The following PLCE1 variants were observed in gnomAD, a reference collection of about 807,000 sequenced individuals.
PLCE1 encodes phospholipase C epsilon 1.
In PLCE1, 119 loss-of-function variants were observed where a neutral mutation model predicts 242.8. The observed-to-expected ratio is 0.49, with a 90% CI of 0.42 to 0.57. The LOEUF (loss-of-function observed/expected upper bound fraction) is 0.57. PLCE1 is among the 20% of genes least tolerant of loss of function. The pLI is 0.00. For missense variants in PLCE1, 2,441 were observed against 2,788.8 expected, an observed-to-expected ratio of 0.88 and a Z score of 2.81; for synonymous variants, 945 against 1,017.4, an observed-to-expected ratio of 0.93 and a Z score of 1.35.
intron 2 of PLCE1, chr10:94,089,452 C>A: frequency 8.3e-7 from 1 of 1,198,600 alleles, no homozygotes; most frequent in Non-Finnish European, 1.2e-6. Flanking sequence ...TCTTTACTAG[C>A]ACCATTGTGC....
chr10:94,308,762 T>C (rs866268387), intron 27 of PLCE1, 63 bp downstream of exon 27: 4 of 1,087,282 alleles, frequency 3.7e-6, no homozygotes, highest in Non-Finnish European at 5.7e-6. Context: ...GTGGGCTTTT[T>C]TGTGGCCCAG....
chr10:94,197,833 A>G (rs1448258693), intron 4 of PLCE1, among the ~76,000 whole-genome samples: 2 of 151,920 alleles, frequency 1.3e-5, no homozygotes, highest in Non-Finnish European at 2.9e-5. Flanking sequence ...AAATACAAAA[A>G]TTAGCTGGGC....
At chr10:94,088,694 G>T (rs898728252) in intron 2 of PLCE1, among the ~76,000 whole-genome samples, 36 of 152,190 alleles carry the variant, frequency 2.4e-4, no homozygotes, top group African/African-American at 8.4e-4. Flanking sequence ...TACCTGGATG[G>T]CTGCCTTCTA....
At chr10:94,279,608 C>A in intron 19 of PLCE1, 174 bp from the exon 20 acceptor site, 1 of 670,102 alleles carries the variant, frequency 1.5e-6, no homozygotes. Flanking sequence ...AACGTTCACC[C>A]AAGTGTTGAC....
At chr10:94,113,961 A>T (rs2046036623) in intron 2 of PLCE1, among the ~76,000 whole-genome samples, 1 of 152,208 alleles carries the variant, frequency 6.6e-6, no homozygotes, top group African/African-American at 2.4e-5. Context: ...GGCCAAGTTC[A>T]GTTTTCTAAA....
rs527563455 is a variant in PLCE1, at chr10:94,033,172, TA to T, written c.1206+921del. On this transcript the variant is annotated intron_variant, in intron 2 of 32. Coordinates refer to ENST00000371380, the MANE Select transcript of PLCE1 (RefSeq NM_016341.4). ...TCTTGAACTTTGGTGTTCGAGGGGGTAGGGGGCAGTTCTGGAACCAGTTCCT... is the reference window on the plus strand; with the variant it reads ...TCTTGAACTTTGGTGTTCGAGGGGGTGGGGGCAGTTCTGGAACCAGTTCCT... Among the ~76,000 whole-genome samples, 21 of 151,954 alleles carry T rather than the reference TA, an allele frequency of 1.4e-4. No individual in the cohort carries two copies. The East Asian group carries it at 3.9e-3, about 28-fold the overall frequency.
At chr10:94,269,481 A>G (rs2051646305) in intron 17 of PLCE1, among the ~76,000 whole-genome samples, 1 of 152,038 alleles carries the variant, frequency 6.6e-6, no homozygotes, top group African/African-American at 2.4e-5. Context: ...CTAAATGAAG[A>G]CTTCCCAAAA....
intron 2 of PLCE1, among the ~76,000 whole-genome samples, chr10:94,086,877 T>C (rs1054021165): frequency 2.6e-5 from 4 of 152,198 alleles, no homozygotes; most frequent in Non-Finnish European, 5.9e-5. Flanking sequence ...GGAATAGAGA[T>C]AATAATACTT....
intron 2 of PLCE1, among the ~76,000 whole-genome samples, chr10:94,053,504 C>A (rs2043819699): frequency 6.6e-6 from 1 of 152,216 alleles, no homozygotes; most frequent in Non-Finnish European, 1.5e-5. Context: ...TAGTCGGTTG[C>A]CCCTCCTAGA....
chr10:94,011,912 A>C (rs1279290097), intron 1 of PLCE1, among the ~76,000 whole-genome samples: 1 of 152,038 alleles, frequency 6.6e-6, no homozygotes, highest in African/African-American at 2.4e-5. Flanking sequence ...CCAGGTGACC[A>C]AATTTGGGGC....
chr10:94,284,322 A>G (rs769056936), intron 21 of PLCE1, among the ~76,000 whole-genome samples: 15 of 152,234 alleles, frequency 9.9e-5, no homozygotes, highest in Admixed American at 5.2e-4. Context: ...TCGGGCCAAG[A>G]GGGCAGCCTG....
intron 25 of PLCE1, among the ~76,000 whole-genome samples, chr10:94,305,750 T>C (rs2053179035): frequency 6.6e-6 from 1 of 152,234 alleles, no homozygotes; most frequent in South Asian, 2.1e-4. Context: ...AAGAAAAAGA[T>C]TTTGAAGTTA....
intron 9 of PLCE1, among the ~76,000 whole-genome samples, chr10:94,253,063 CA>C (rs1407358946): frequency 1.3e-5 from 2 of 152,124 alleles, no homozygotes; most frequent in Admixed American, 6.5e-5. Context: ...AGTATATTAG[CA>C]CTGTGTATTA....
intron 2 of PLCE1, among the ~76,000 whole-genome samples, chr10:94,052,756 T>C (rs2043800388): frequency 2.0e-5 from 3 of 152,220 alleles, no homozygotes; most frequent in Non-Finnish European, 4.4e-5. Context: ...GTGAGCATCA[T>C]ATCTCATTTC....
intron 4 of PLCE1, among the ~76,000 whole-genome samples, chr10:94,184,277 A>G (rs1158213724): frequency 2.0e-5 from 3 of 152,172 alleles, no homozygotes; most frequent in Non-Finnish European, 4.4e-5. Context: ...AAAATCCAAG[A>G]TAACAAGACC....
Position 94,308,592 on chromosome 10 carries a change from C to G in PLCE1, c.5896C>G (p.Leu1966Val). The change falls in exon 27 of 33, where the codon CTT (leucine) becomes GTT (valine). Residue 1966 changes from leucine (L) to valine (V), a missense_variant. This residue lies in a region of PLCE1 where 1,004 missense variants were observed against 1,322.7 expected (regional missense o/e 0.76). Transcript: ENST00000371380. ...LKALKRGYRH[L>V]QLRNLHNEVL... ...CTGTATTACTCCAGGATATCGACAT[C>G]TTCAGCTGCGAAACCTTCACAATGA... 1 of 1,607,170 alleles carries G rather than the reference C, an allele frequency of 6.2e-7. No homozygotes were observed. The highest frequency in any genetic ancestry group is 8.5e-7 in the Non-Finnish European group (1 of 1,173,698).
chr10:94,144,137 C>T (rs1255345758), intron 3 of PLCE1, among the ~76,000 whole-genome samples: 1 of 152,158 alleles, frequency 6.6e-6, no homozygotes, highest in Non-Finnish European at 1.5e-5. Flanking sequence ...GATACACTAC[C>T]AAGTCTAGAC....
Position 94,158,854 on chromosome 10 carries a change from CTTTTTTT to C in PLCE1, c.1493-12313_1493-12307del, listed in dbSNP as rs35760715. Among the ~76,000 whole-genome samples, 8 of 111,578 alleles carry C rather than the reference CTTTTTTT, an allele frequency of 7.2e-5. 1 individual carries two copies. The highest frequency in any genetic ancestry group is 1.2e-4 in the African/African-American group (4 of 32,200). The allele number at this position is 111,578 out of a possible 152,430, so 73.2% of individuals were successfully genotyped here. A position where few individuals can be genotyped will look rare whatever the true frequency, so the allele number is the denominator to read the frequency against. ...TATTTTAAATTTTCTTCTTCTTTTT[CTTTTTTT>C]TTTTTTTTTTTTGAGACGGAGTTTC... On this transcript the variant is annotated intron_variant, in intron 3 of 32. Transcript: ENST00000371380.
chr10:94,245,906 T>G, intron 7 of PLCE1, 40 bp from the exon 8 acceptor site: 1 of 1,546,368 alleles, frequency 6.5e-7, no homozygotes, highest in Non-Finnish European at 8.9e-7. Flanking sequence ...TGTTCTCACT[T>G]GATTATAAGA....
Sources: gnomAD v4.1 joint callset for allele counts (sites outside exome capture counted in the v4.1 genomes callset) on GRCh38, gnomAD v4.1.1 for gene constraint, gnomAD v4.1.1 regional missense constraint, MANE v1.5 for transcripts, NCBI Gene and HGNC (gene_info 2026-07-23, HGNC 2026-07-21) for gene names.